Variants in XIRP2 observed in about 807,000 individuals in gnomAD.
XIRP2 encodes xin actin-binding repeat-containing protein 2.
Under a neutral mutation model 277.0 loss-of-function variants are expected in XIRP2, and 236 were observed. That is an observed-to-expected ratio of 0.85 (90% CI 0.77 to 0.95). XIRP2 has a LOEUF of 0.95. Among genes scored for constraint, XIRP2 ranks in the 40% least tolerant of loss-of-function variants. The pLI is 0.00. For synonymous variants in XIRP2, 1,490 were observed against 1,416.5 expected (o/e 1.05, Z -1.17); for missense variants, 4,640 against 4,157.5 (o/e 1.12, Z -3.19).
Position 167,243,832 on chromosome 2 carries a change from A to G in XIRP2, c.2440A>G (p.Thr814Ala). ...GVSKAKWLFE[T>A]QPLEKIKESE... ...GAGTAAGGCAAAGTGGTTATTTGAA[A>G]CCCAACCTTTGGAGAAAATCAAAGA... is the stretch of plus-strand genomic sequence containing the variant. The change falls in exon 9 of 11, where the codon ACC (threonine) becomes GCC (alanine). Residue 814 changes from threonine to alanine, a missense_variant. By Grantham distance (58) the Thr-to-Ala change is moderately conservative. Coordinates refer to ENST00000409195, the MANE Select transcript of XIRP2 (RefSeq NM_152381.6). 2 of 1,614,018 alleles carry G rather than the reference A, an allele frequency of 1.2e-6. No homozygotes were observed.
chr2:167,245,462 A>C lies in XIRP2; in HGVS notation c.4070A>C (p.Lys1357Thr). 6.2e-7 allele frequency: 1 copy of C among 1,613,642 alleles called. No homozygotes were observed. The highest frequency in any genetic ancestry group is 8.5e-7 in the Non-Finnish European group (1 of 1,179,726). Residue 1357 changes from lysine (K) to threonine (T), a missense_variant, in exon 9 of 11, where the codon AAG becomes ACG. Coordinates refer to ENST00000409195, the MANE Select transcript of XIRP2 (RefSeq NM_152381.6). ...GGAACAAGGTGGCTTTTTGAAACAAAGCCATTAGACTCTATTAATAAATCA... is the reference window on the plus strand; with the variant it reads ...GGAACAAGGTGGCTTTTTGAAACAACGCCATTAGACTCTATTAATAAATCA... ...VRGTRWLFET[K>T]PLDSINKSET...
chr2:167,003,313 G>T (rs1380754647), intron 2 of XIRP2, among the ~76,000 whole-genome samples: 1 of 151,812 alleles, frequency 6.6e-6, no homozygotes, highest in Non-Finnish European at 1.5e-5. Flanking sequence ...AACCTAATTA[G>T]AATAGGATGA....
intron 3 of XIRP2, among the ~76,000 whole-genome samples, chr2:167,170,220 A>G (rs1692645610): frequency 6.6e-6 from 1 of 151,930 alleles, no homozygotes; most frequent in Admixed American, 6.6e-5. Flanking sequence ...ATATGTTGAG[A>G]TTTTTGAGTT....
intron 2 of XIRP2, among the ~76,000 whole-genome samples, chr2:167,116,242 CT>C (rs1690893451): frequency 6.6e-6 from 1 of 152,116 alleles, no homozygotes; most frequent in South Asian, 2.1e-4. Flanking sequence ...TGTTAAAAAT[CT>C]TGAAGTATAA....
At chr2:166,904,208 C>T (rs1684460151) in intron 2 of XIRP2, among the ~76,000 whole-genome samples, 1 of 152,132 alleles carries the variant, frequency 6.6e-6, no homozygotes, top group African/African-American at 2.4e-5. Context: ...TTTCTAACCA[C>T]TCTTTGTGCC....
chr2:167,246,833 A>G lies in XIRP2; in HGVS notation c.5441A>G (p.His1814Arg). 1 of 1,613,910 alleles carries G rather than the reference A, an allele frequency of 6.2e-7. No homozygotes were observed. Among genetic ancestry groups the G allele is most frequent in the South Asian group, 1.1e-5 (1 of 91,084 alleles). Residue 1814 changes from histidine to arginine, a missense_variant, in exon 9 of 11, where the codon CAT (histidine) becomes CGT (arginine). Physicochemically the swap from His to Arg is conservative, Grantham distance 29. Transcript: ENST00000409195. ...SETDIIPGDV[H>R]NTVKVFMTEP... is the part of the protein sequence containing the mutation. ...ACTGACATCATCCCTGGAGATGTGC[A>G]TAACACAGTTAAGGTTTTTATGACC...
intron 2 of XIRP2, among the ~76,000 whole-genome samples, chr2:166,927,588 C>G: frequency 6.6e-6 from 1 of 152,112 alleles, no homozygotes; most frequent in Non-Finnish European, 1.5e-5. Flanking sequence ...TGACTCTGAC[C>G]CCCGCTTCTA....
chr2:166,902,828 G>A (rs1038618547), intron 1 of XIRP2, among the ~76,000 whole-genome samples: 1 of 151,964 alleles, frequency 6.6e-6, no homozygotes, highest in Non-Finnish European at 1.5e-5. Flanking sequence ...AGAATCCTGG[G>A]CAAATTACTA....
In XIRP2 at chr2:167,241,825, T is replaced by G; in HGVS notation, c.1091T>G (p.Leu364Trp). ...DEEIPKVSTK[L>W]LKEQFEKSAQ... ...GAGATTCCAAAGGTTTCGACTAAGT[T>G]GTTAAAAGAGCAGTTTGAAAAGTCT... Residue 364 changes from leucine (L) to tryptophan (W), a missense_variant, in exon 8 of 11, where the codon TTG becomes TGG. By Grantham distance (61) the Leu-to-Trp change is moderately conservative (BLOSUM62 -2). Transcript: ENST00000409195. 6.2e-7 allele frequency: 1 copy of G among 1,613,728 alleles called. No individual in the cohort carries two copies. The highest frequency in any genetic ancestry group is 1.1e-5 in the South Asian group (1 of 91,036).
chr2:167,255,082 G>A (rs962804954), intron 10 of XIRP2, among the ~76,000 whole-genome samples: 1 of 151,606 alleles, frequency 6.6e-6, no homozygotes, highest in Non-Finnish European at 1.5e-5. Context: ...GCACCTGTGT[G>A]GGGGACTCTC....
chr2:167,247,872 G>A lies in XIRP2; in HGVS notation c.6480G>A (p.Lys2160=), dbSNP rs780428351. The A allele has an allele frequency of 6.2e-7, 1 of 1,613,570 alleles. No homozygotes were observed. The highest frequency in any genetic ancestry group is 8.5e-7 in the Non-Finnish European group (1 of 1,179,752). The change falls in exon 9 of 11, where the codon AAG becomes AAA. Residue 2160 remains lysine (K), a synonymous_variant. Coordinates refer to ENST00000409195, the MANE Select transcript of XIRP2 (RefSeq NM_152381.6). The part of the protein sequence containing the change: ...IKILTDTQSS[K]PSPTQHPVSM... ...TATTAACTGATACACAAAGCTCCAAGCCCAGTCCCACCCAGCATCCAGTCA... is the reference window on the plus strand; with the variant it reads ...TATTAACTGATACACAAAGCTCCAAACCCAGTCCCACCCAGCATCCAGTCA...
At chr2:167,046,049 C>T (rs1468534587) in intron 2 of XIRP2, among the ~76,000 whole-genome samples, 1 of 151,762 alleles carries the variant, frequency 6.6e-6, no homozygotes, top group East Asian at 1.9e-4. Flanking sequence ...ATTTCTTGGG[C>T]AGTGTTTGTT....
At chr2:167,183,017 AG>A (rs1275583801) in intron 3 of XIRP2, among the ~76,000 whole-genome samples, 1 of 152,208 alleles carries the variant, frequency 6.6e-6, no homozygotes, top group East Asian at 1.9e-4. Context: ...AGAAGCACAT[AG>A]AATTTTGAAG....
chr2:166,933,810 C>A (rs758463799), intron 2 of XIRP2, among the ~76,000 whole-genome samples: 1 of 152,032 alleles, frequency 6.6e-6, no homozygotes, highest in Admixed American at 6.6e-5. Flanking sequence ...ATATTTGGGT[C>A]TTTTAAGGTT....
intron 2 of XIRP2, among the ~76,000 whole-genome samples, chr2:167,081,875 C>T (rs1430151342): frequency 6.6e-6 from 1 of 151,872 alleles, no homozygotes; most frequent in African/African-American, 2.4e-5. Context: ...ATTGTGGTAC[C>T]TTACATGAGA....
intron 2 of XIRP2, among the ~76,000 whole-genome samples, chr2:166,925,916 A>T (rs1020173098): frequency 3.3e-5 from 5 of 151,766 alleles, no homozygotes; most frequent in African/African-American, 1.2e-4. Flanking sequence ...CAAAATAAAA[A>T]TTTAAAAAAT....
rs1264831253 is a variant in XIRP2 at position 167,246,520 on chromosome 2, G to A, written c.5128G>A (p.Gly1710Ser). 1 of 1,613,652 alleles carries A rather than the reference G, an allele frequency of 6.2e-7. No homozygotes were observed. The highest frequency in any genetic ancestry group is 1.3e-5 in the African/African-American group (1 of 75,006). ...CACAATTGAGCGTGAAGAAGTAATA[G>A]GTGGTGATGTCAAACGTACCATTCA... Reference protein sequence around the residue: ...GDTIEREEVIGGDVKRTIHNL... With the variant: ...GDTIEREEVISGDVKRTIHNL... The change falls in exon 9 of 11, where the codon GGT becomes AGT. Residue 1710 changes from glycine to serine, a missense_variant. Coordinates refer to ENST00000409195, the MANE Select transcript of XIRP2 (RefSeq NM_152381.6).
chr2:167,017,316 T>G (rs926673264), intron 2 of XIRP2, among the ~76,000 whole-genome samples: 3 of 151,982 alleles, frequency 2.0e-5, no homozygotes, highest in Non-Finnish European at 4.4e-5. Context: ...TTTATGTGGT[T>G]GCATAACTAA....
At chr2:166,917,381 T>C (rs1684916825) in intron 2 of XIRP2, among the ~76,000 whole-genome samples, 1 of 152,246 alleles carries the variant, frequency 6.6e-6, no homozygotes, top group African/African-American at 2.4e-5. Flanking sequence ...TATTTCATTT[T>C]ATGCAGCTTT....
Sources: allele counts gnomAD v4.1 joint callset (sites outside exome capture counted in the v4.1 genomes callset), GRCh38; gene constraint gnomAD v4.1.1; transcripts MANE v1.5; gene names NCBI Gene and HGNC (gene_info 2026-07-23, HGNC 2026-07-21).